PTPRD: variants seen among roughly 807,000 people sequenced by gnomAD.
PTPRD encodes receptor-type tyrosine-protein phosphatase delta.
In PTPRD, 34 loss-of-function variants were observed where a neutral mutation model predicts 214.5. That is an observed-to-expected ratio of 0.16 (90% CI 0.12 to 0.21). The LOEUF is 0.21. PTPRD is among the 10% of genes least tolerant of loss of function. The pLI, the probability that PTPRD is intolerant of heterozygous loss-of-function variation, is 1.00. For synonymous variants in PTPRD, 1,128 were observed against 845.7 expected (o/e 1.33, Z -5.79); for missense variants, 2,545 against 2,398.7 (o/e 1.06, Z -1.27).
chr9:10,407,550 A>G (rs2098384052), intron 2 of PTPRD, among the ~76,000 whole-genome samples: 1 of 151,570 alleles, frequency 6.6e-6, no homozygotes, highest in Admixed American at 6.6e-5. Flanking sequence ...AGTTTTCCTT[A>G]GGTAGAAGAA....
chr9:9,089,171 T>C (rs931585885), intron 10 of PTPRD, among the ~76,000 whole-genome samples: 6 of 152,176 alleles, frequency 3.9e-5, no homozygotes, highest in Admixed American at 2.0e-4. Flanking sequence ...ATTCTTGTGT[T>C]GAAGGACTTG....
At chr9:9,744,069 T>C (rs1203882616) in intron 6 of PTPRD, among the ~76,000 whole-genome samples, 1 of 152,080 alleles carries the variant, frequency 6.6e-6, no homozygotes, top group Non-Finnish European at 1.5e-5. Context: ...CTTAACAGCG[T>C]TTCTTTAAGC....
intron 19 of PTPRD, among the ~76,000 whole-genome samples, chr9:8,522,206 G>A (rs750757896): frequency 4.6e-5 from 7 of 152,192 alleles, no homozygotes; most frequent in Non-Finnish European, 1.0e-4. Context: ...ATACTGGATT[G>A]GGTCATGCAA....
At chr9:9,908,739 T>C (rs1250046869) in intron 5 of PTPRD, among the ~76,000 whole-genome samples, 1 of 152,034 alleles carries the variant, frequency 6.6e-6, no homozygotes, top group African/African-American at 2.4e-5. Flanking sequence ...ATCAAGTATT[T>C]CAGGAGTGAT....
chr9:8,574,362 T>C (rs1005056560), intron 14 of PTPRD, among the ~76,000 whole-genome samples: 8 of 152,100 alleles, frequency 5.3e-5, no homozygotes, highest in South Asian at 4.1e-4. Flanking sequence ...TATTATAATA[T>C]TGTCCTCTGA....
At chr9:9,393,661 G>A (rs1158734081) in intron 9 of PTPRD, among the ~76,000 whole-genome samples, 1 of 152,118 alleles carries the variant, frequency 6.6e-6, no homozygotes, top group Non-Finnish European at 1.5e-5. Context: ...ATATAGTTGG[G>A]TTAAATTCAG....
At chr9:8,647,673 A>G (rs1242712983) in intron 12 of PTPRD, among the ~76,000 whole-genome samples, 1 of 152,216 alleles carries the variant, frequency 6.6e-6, no homozygotes, top group Non-Finnish European at 1.5e-5. Context: ...TCAAAAAAGT[A>G]TATTTTTAAG....
chr9:9,572,741 A>G (rs1815762481), intron 8 of PTPRD, among the ~76,000 whole-genome samples: 2 of 151,132 alleles, frequency 1.3e-5, no homozygotes, highest in Non-Finnish European at 1.5e-5. Flanking sequence ...AAGAAAAAAA[A>G]GGCAAAAGTT....
At chr9:10,186,960 C>G (rs1016655411) in intron 3 of PTPRD, among the ~76,000 whole-genome samples, 2 of 152,136 alleles carry the variant, frequency 1.3e-5, no homozygotes, top group African/African-American at 4.8e-5. Flanking sequence ...TCCTATTACT[C>G]ACTCATCATA....
At chr9:8,511,311 T>C (rs1396882747) in intron 21 of PTPRD, among the ~76,000 whole-genome samples, 3 of 152,048 alleles carry the variant, frequency 2.0e-5, no homozygotes, top group African/African-American at 7.2e-5. Flanking sequence ...GCTCAAGAAA[T>C]CCTTCCACCT....
chr9:9,431,328 G>T (rs2083025574), intron 8 of PTPRD, among the ~76,000 whole-genome samples: 1 of 152,150 alleles, frequency 6.6e-6, no homozygotes, highest in Admixed American at 6.5e-5. Flanking sequence ...GGCCATCAGA[G>T]AAATACAAAT....
chr9:10,110,572 G>C (rs1184695719), intron 3 of PTPRD, among the ~76,000 whole-genome samples: 2 of 152,066 alleles, frequency 1.3e-5, no homozygotes, highest in East Asian at 1.9e-4. Flanking sequence ...GAGAAAGTTT[G>C]GTTGCCTGAG....
At chr9:10,226,242 A>T (rs2099588465) in intron 3 of PTPRD, among the ~76,000 whole-genome samples, 1 of 152,064 alleles carries the variant, frequency 6.6e-6, no homozygotes, top group Non-Finnish European at 1.5e-5. Context: ...TACTGAATGT[A>T]CAGTGTGGCT....
chr9:8,653,421 A>G (rs1189907683), intron 12 of PTPRD, among the ~76,000 whole-genome samples: 4 of 152,172 alleles, frequency 2.6e-5, no homozygotes, highest in African/African-American at 9.7e-5. Flanking sequence ...TAAAGGGTCA[A>G]TATAAAGGTT....
chr9:9,472,771 T>C (rs1226834232), intron 8 of PTPRD, among the ~76,000 whole-genome samples: 2 of 152,162 alleles, frequency 1.3e-5, no homozygotes, highest in Admixed American at 1.3e-4. Context: ...CGGCATAAAA[T>C]CCTAACAATT....
At chr9:10,188,651 A>G (rs556024132) in intron 3 of PTPRD, among the ~76,000 whole-genome samples, 7 of 152,204 alleles carry the variant, frequency 4.6e-5, no homozygotes, top group East Asian at 1.9e-4. Flanking sequence ...ATGTATCTCA[A>G]TAGGCACTAG....
chr9:9,274,195 C>T (rs1944066880), intron 9 of PTPRD, among the ~76,000 whole-genome samples: 1 of 151,222 alleles, frequency 6.6e-6, no homozygotes, highest in Non-Finnish European at 1.5e-5. Context: ...TTTCTCCCTG[C>T]CATACTCATT....
intron 11 of PTPRD, among the ~76,000 whole-genome samples, chr9:9,016,825 C>CTT (rs1012851895): frequency 1.1e-4 from 16 of 152,124 alleles, no homozygotes; most frequent in Non-Finnish European, 2.1e-4. Flanking sequence ...AGAATGACAA[C>CTT]TTGCTCAAAT....
intron 11 of PTPRD, among the ~76,000 whole-genome samples, chr9:8,751,188 CT>C (rs2093485820): frequency 6.6e-6 from 1 of 152,126 alleles, no homozygotes; most frequent in South Asian, 2.1e-4. Flanking sequence ...AATCAAATGA[CT>C]TTTTTTCTCC....
Sources: allele counts gnomAD v4.1 joint callset (sites outside exome capture counted in the v4.1 genomes callset), GRCh38; gene constraint gnomAD v4.1.1; transcripts MANE v1.5; gene names NCBI Gene and HGNC (gene_info 2026-07-23, HGNC 2026-07-21).